KIAA1217: variants seen among roughly 807,000 people sequenced by gnomAD.
The protein encoded by KIAA1217 is KIAA1217, also known as sickle tail protein homolog.
In KIAA1217, 88 loss-of-function variants were observed where a neutral mutation model predicts 163.9. That is an observed-to-expected ratio of 0.54 (90% CI 0.45 to 0.64). KIAA1217 has a LOEUF of 0.64. KIAA1217 is among the 30% of genes least tolerant of loss of function. The pLI, the probability that KIAA1217 is intolerant of heterozygous loss-of-function variation, is 0.00. For synonymous variants in KIAA1217, 903 were observed against 923.1 expected (o/e 0.98, Z 0.39); for missense variants, 2,372 against 2,475.0 (o/e 0.96, Z 0.88).
intron 13 of KIAA1217, among the ~76,000 whole-genome samples, chr10:24,526,427 T>C (rs11014142): frequency 0.1 from 15,575 of 152,140 alleles, 1,087 homozygotes; most frequent in Admixed American, 0.14. Context: ...CTCCTAAGAA[T>C]TGGCAGATCC....
At position 24,433,122 on chromosome 10, in the gene KIAA1217, G is replaced by C; in HGVS notation, c.681G>C (p.Leu227=). Residue 227 remains leucine, a synonymous_variant, in exon 4 of 21, where the codon CTG becomes CTC. Coordinates refer to ENST00000376454, the MANE Select transcript of KIAA1217 (RefSeq NM_019590.5). ...CACAGCAGCTCACCATGAAAATGCT[G>C]GAATCGCCCAGTGTCGCCATTTACA... ...AFPQQLTMKM[L]ESPSVAIYIK... 3 of 1,614,078 alleles carry C rather than the reference G, an allele frequency of 1.9e-6. No homozygotes were observed. The highest frequency in any genetic ancestry group is 1.7e-6 in the Non-Finnish European group (2 of 1,180,006).
chr10:24,251,856 TAAAAAAAAAAAA>T (rs34540873), intron 2 of KIAA1217, among the ~76,000 whole-genome samples: 57 of 119,718 alleles, frequency 4.8e-4, no homozygotes, highest in African/African-American at 1.5e-3. Context: ...CTGCATCTGT[TAAAAAAAAAAAA>T]AAAAAAAAAA....
At chr10:24,142,684 A>G (rs375367148) in intron 2 of KIAA1217, among the ~76,000 whole-genome samples, 17 of 152,366 alleles carry the variant, frequency 1.1e-4, no homozygotes, top group African/African-American at 3.8e-4. Flanking sequence ...AGATGAGAGG[A>G]AAGAGAGTTG....
intron 2 of KIAA1217, among the ~76,000 whole-genome samples, chr10:24,185,820 C>A (rs374857052): frequency 6.6e-6 from 1 of 151,598 alleles, no homozygotes. Context: ...CAAAACTTAG[C>A]GGAATGTGGT....
At chr10:23,739,168 T>C (rs2130805878) in intron 1 of KIAA1217, among the ~76,000 whole-genome samples, 1 of 152,338 alleles carries the variant, frequency 6.6e-6, no homozygotes, top group South Asian at 2.1e-4. Context: ...AAATGCCACA[T>C]ATTCTCACTT....
intron 5 of KIAA1217, among the ~76,000 whole-genome samples, chr10:24,459,125 C>T (rs962569545): frequency 2.6e-5 from 4 of 152,114 alleles, no homozygotes; most frequent in Admixed American, 6.6e-5. Flanking sequence ...AACCACTGTC[C>T]GAGAGTAACT....
At chr10:24,002,788 C>T (rs75088604) in intron 1 of KIAA1217, among the ~76,000 whole-genome samples, 4,832 of 152,146 alleles carry the variant, frequency 0.032, 197 homozygotes, top group African/African-American at 0.1. Flanking sequence ...TGTAGTCTTT[C>T]ATCCCTCACC....
chr10:23,973,873 GAA>G (rs1425463153), intron 1 of KIAA1217, among the ~76,000 whole-genome samples: 6 of 152,112 alleles, frequency 3.9e-5, no homozygotes, highest in African/African-American at 1.4e-4. Context: ...CCTCTAGAAG[GAA>G]ATGAAGACAC....
At chr10:24,234,809 T>C (rs2071994097) in intron 2 of KIAA1217, among the ~76,000 whole-genome samples, 1 of 152,216 alleles carries the variant, frequency 6.6e-6, no homozygotes, top group Admixed American at 6.5e-5. Flanking sequence ...TCCATCTTAA[T>C]TTGACAGCAA....
chr10:24,299,490 C>A (rs1025721503), intron 2 of KIAA1217, among the ~76,000 whole-genome samples: 1 of 152,148 alleles, frequency 6.6e-6, no homozygotes, highest in Non-Finnish European at 1.5e-5. Context: ...CCTTGACCTC[C>A]CTGGCTCAAA....
chr10:24,330,150 A>G (rs1450671815), intron 2 of KIAA1217, among the ~76,000 whole-genome samples: 1 of 152,064 alleles, frequency 6.6e-6, no homozygotes, highest in Non-Finnish European at 1.5e-5. Context: ...AAATACAAAA[A>G]TTAGCCAGGC....
intron 2 of KIAA1217, among the ~76,000 whole-genome samples, chr10:24,044,996 A>C (rs1163089304): frequency 6.6e-6 from 1 of 152,150 alleles, no homozygotes; most frequent in Non-Finnish European, 1.5e-5. Context: ...TATTTTGTGA[A>C]AGCACATTCC....
intron 2 of KIAA1217, among the ~76,000 whole-genome samples, chr10:24,370,264 C>CAAGAAA (rs2051427584): frequency 1.4e-5 from 1 of 73,450 alleles, no homozygotes; most frequent in African/African-American, 5.2e-5. Context: ...GACTCTGTCT[C>CAAGAAA]AAAAAAAAAA....
intron 2 of KIAA1217, among the ~76,000 whole-genome samples, chr10:24,105,505 T>G (rs941513984): frequency 6.6e-5 from 10 of 152,176 alleles, no homozygotes; most frequent in Non-Finnish European, 1.3e-4. Flanking sequence ...CAGGCATAAA[T>G]AAGCTTCTAG....
chr10:23,773,460 C>G (rs1418545317), intron 1 of KIAA1217, among the ~76,000 whole-genome samples: 1 of 151,218 alleles, frequency 6.6e-6, no homozygotes, highest in East Asian at 1.9e-4. Context: ...TTTTTTGGTT[C>G]CATATGAACT....
At chr10:24,449,244 T>C (rs1211212526) in intron 5 of KIAA1217, among the ~76,000 whole-genome samples, 1 of 152,218 alleles carries the variant, frequency 6.6e-6, no homozygotes, top group East Asian at 1.9e-4. Context: ...AAAGGTAATA[T>C]ATGCACATCT....
At chr10:23,946,310 A>G (rs913451021) in intron 1 of KIAA1217, among the ~76,000 whole-genome samples, 1 of 148,446 alleles carries the variant, frequency 6.7e-6, no homozygotes, top group Non-Finnish European at 1.5e-5. Context: ...GGCATATAGG[A>G]AAAAAAAAAG....
chr10:24,229,983 A>G (rs1326513181), intron 2 of KIAA1217, among the ~76,000 whole-genome samples: 2 of 152,212 alleles, frequency 1.3e-5, no homozygotes, highest in Non-Finnish European at 2.9e-5. Context: ...AAAAACGTAT[A>G]GAAATAAAAA....
chr10:23,866,015 A>G (rs889827239), intron 1 of KIAA1217, among the ~76,000 whole-genome samples: 1 of 152,190 alleles, frequency 6.6e-6, no homozygotes, highest in Non-Finnish European at 1.5e-5. Context: ...TCAGCTTCGA[A>G]CATACATATG....
Sources: gnomAD v4.1 joint callset for allele counts (sites outside exome capture counted in the v4.1 genomes callset) on GRCh38, gnomAD v4.1.1 for gene constraint, MANE v1.5 for transcripts, NCBI Gene and HGNC (gene_info 2026-07-23, HGNC 2026-07-21) for gene names.